Variants in CSMD1 observed in about 807,000 individuals in gnomAD.
CSMD1 encodes CUB and sushi domain-containing protein 1.
Under a neutral mutation model 417.5 loss-of-function variants are expected in CSMD1, and 213 were observed. That is an observed-to-expected ratio of 0.51 (90% confidence interval 0.46 to 0.57). The LOEUF is 0.57. CSMD1 is among the 20% of genes least tolerant of loss of function. CSMD1 has a pLI of 0.00. For synonymous variants in CSMD1, 2,862 were observed against 1,736.8 expected, an observed-to-expected ratio of 1.65 and a Z score of -16.11; for missense variants, 6,923 against 4,529.7, an observed-to-expected ratio of 1.53 and a Z score of -15.17.
At chr8:2,953,475 TA>T (rs538846133) in intron 65 of CSMD1, among the ~76,000 whole-genome samples, 40 of 150,524 alleles carry the variant, frequency 2.7e-4, no homozygotes, top group African/African-American at 9.0e-4. Context: ...AAAACAGTGT[TA>T]AAACCTGAAT....
At chr8:4,035,453 A>G (rs1368712636) in intron 3 of CSMD1, among the ~76,000 whole-genome samples, 1 of 151,484 alleles carries the variant, frequency 6.6e-6, no homozygotes, top group Admixed American at 6.6e-5. Context: ...GAAGGATTCC[A>G]AAAGGAGGCA....
In CSMD1 at chr8:3,796,264, TATAGATATATATCTATCATGTATAG is replaced by T. The variant is rs201004670; in HGVS notation, c.819-42247_819-42223del. Among the ~76,000 whole-genome samples the T allele has an allele frequency of 9.0e-4, 45 of 49,886 alleles. 13 individuals are homozygous for T. Among genetic ancestry groups the T allele is most frequent in the East Asian group, 2.3e-3 (4 of 1,774 alleles). 32.7% of individuals were successfully genotyped at this position (49,886 alleles called of 152,430 possible). On this transcript the variant is annotated intron_variant, in intron 5 of 69. Transcript: ENST00000635120. Reference sequence around the variant, plus strand: ...TAGATATATATCTATCATGTATAGATATAGATATATATCTATCATGTATAGATATATCTATCATGTATAGATATAG... The same window carrying T: ...TAGATATATATCTATCATGTATAGATATATATCTATCATGTATAGATATAG...
chr8:3,570,671 C>T (rs2116918209), intron 10 of CSMD1, among the ~76,000 whole-genome samples: 1 of 152,256 alleles, frequency 6.6e-6, no homozygotes, highest in South Asian at 2.1e-4. Flanking sequence ...AATAAGGTAT[C>T]CCCCAAACTT....
intron 4 of CSMD1, among the ~76,000 whole-genome samples, chr8:4,025,404 C>G (rs1467647540): frequency 6.6e-6 from 1 of 152,096 alleles, no homozygotes; most frequent in African/African-American, 2.4e-5. Flanking sequence ...TATAATCTAT[C>G]CTAGGCTGTA....
At chr8:4,111,094 C>G (rs1013038788) in intron 3 of CSMD1, among the ~76,000 whole-genome samples, 1 of 152,092 alleles carries the variant, frequency 6.6e-6, no homozygotes, top group Non-Finnish European at 1.5e-5. Flanking sequence ...TAGTATCTTT[C>G]AAGGATTCCT....
At chr8:4,775,898 A>T (rs1796829885) in intron 1 of CSMD1, among the ~76,000 whole-genome samples, 2 of 152,206 alleles carry the variant, frequency 1.3e-5, no homozygotes, top group Non-Finnish European at 2.9e-5. Flanking sequence ...GAGAGAGGAC[A>T]AGTTAGGGAG....
chr8:3,482,221 T>A (rs959318650), intron 11 of CSMD1, among the ~76,000 whole-genome samples: 2 of 152,060 alleles, frequency 1.3e-5, no homozygotes, highest in Non-Finnish European at 2.9e-5. Context: ...GATATGCCAC[T>A]GAAATATCAG....
In CSMD1 at chr8:4,433,603, C is replaced by T. The variant is rs997764659; in HGVS notation, c.303-13538G>A. ...TGAAAAGCGCCCTTAAAATGGGAAA[C>T]GACAAATTTGATAAAGCCAGTTTTC... On this transcript the variant is annotated intron_variant, in intron 2 of 69. Transcript: ENST00000635120. Among the ~76,000 whole-genome samples, 6 of 152,230 alleles carry T rather than the reference C, an allele frequency of 3.9e-5. No homozygotes were observed. The East Asian group carries it at 5.8e-4, about 15-fold the overall frequency.
intron 1 of CSMD1, among the ~76,000 whole-genome samples, chr8:4,900,622 C>A (rs1563714704): frequency 6.6e-6 from 1 of 152,152 alleles, no homozygotes; most frequent in African/African-American, 2.4e-5. Context: ...GATTCGTGCC[C>A]CTAGGCTGTT....
intron 6 of CSMD1, among the ~76,000 whole-genome samples, chr8:3,748,096 C>T (rs1015807870): frequency 5.9e-5 from 9 of 152,110 alleles, no homozygotes; most frequent in African/African-American, 1.7e-4. Context: ...AAGAGTCAGT[C>T]GCTTGGAACC....
intron 1 of CSMD1, among the ~76,000 whole-genome samples, chr8:4,745,137 A>G (rs1352763629): frequency 6.6e-6 from 1 of 152,178 alleles, no homozygotes; most frequent in Non-Finnish European, 1.5e-5. Flanking sequence ...TCAAATTCAT[A>G]CTTTTAAAAT....
In CSMD1 at chr8:4,129,714, G is replaced by C. The variant is rs563866255; in HGVS notation, c.416-97615C>G. 1.1e-4 allele frequency among the ~76,000 whole-genome samples: 17 copies of C among 152,054 alleles called. No individual in the cohort carries two copies. In the South Asian group the frequency reaches 3.5e-3, roughly 32 times the overall value. On this transcript the variant is annotated intron_variant, in intron 3 of 69. Transcript: ENST00000635120. ...TGTTATACAAGTCCATTTTCATTCAGTATTCAGTTTTCTTGGGCCCTTTCA... is the reference window on the plus strand; with the variant it reads ...TGTTATACAAGTCCATTTTCATTCACTATTCAGTTTTCTTGGGCCCTTTCA...
chr8:4,460,266 G>A (rs999984505), intron 2 of CSMD1, among the ~76,000 whole-genome samples: 3 of 151,884 alleles, frequency 2.0e-5, no homozygotes, highest in Admixed American at 6.6e-5. Context: ...AATCACTAGG[G>A]AAATTTAAAA....
chr8:3,554,002 C>T (rs1466151179), intron 10 of CSMD1, among the ~76,000 whole-genome samples: 4 of 152,004 alleles, frequency 2.6e-5, no homozygotes, highest in Non-Finnish European at 1.5e-5. Context: ...TTCTCTAGGA[C>T]TGATTTTATT....
intron 37 of CSMD1, among the ~76,000 whole-genome samples, chr8:3,168,218 G>A (rs983185988): frequency 2.0e-5 from 3 of 152,172 alleles, no homozygotes; most frequent in Admixed American, 6.5e-5. Context: ...AGTATTCAAC[G>A]CCCAGGTAGA....
intron 2 of CSMD1, among the ~76,000 whole-genome samples, chr8:4,443,848 G>A (rs966709585): frequency 6.6e-6 from 1 of 152,126 alleles, no homozygotes; most frequent in African/African-American, 2.4e-5. Flanking sequence ...GAACTTCTGG[G>A]TAACAAAGTT....
chr8:4,110,913 A>T (rs963219598), intron 3 of CSMD1, among the ~76,000 whole-genome samples: 1 of 152,168 alleles, frequency 6.6e-6, no homozygotes, highest in South Asian at 2.1e-4. Context: ...AAAGTGAGAC[A>T]ATGACATTCT....
intron 1 of CSMD1, among the ~76,000 whole-genome samples, chr8:4,835,113 T>C (rs1425124665): frequency 1.3e-5 from 2 of 151,876 alleles, no homozygotes; most frequent in Non-Finnish European, 2.9e-5. Context: ...TGGGAATCAT[T>C]TATTATTAAG....
At chr8:4,308,772 A>T (rs959826849) in intron 3 of CSMD1, among the ~76,000 whole-genome samples, 1 of 152,180 alleles carries the variant, frequency 6.6e-6, no homozygotes, top group African/African-American at 2.4e-5. Flanking sequence ...ATGACTAAAG[A>T]TTATTTACAA....
Sources: gnomAD v4.1 joint callset for allele counts (sites outside exome capture counted in the v4.1 genomes callset) on GRCh38, gnomAD v4.1.1 for gene constraint, MANE v1.5 for transcripts, NCBI Gene and HGNC (gene_info 2026-07-23, HGNC 2026-07-21) for gene names.